SLC5A4: variants seen among roughly 807,000 people sequenced by gnomAD.
SLC5A4 encodes solute carrier family 5 member 4.
Under a neutral mutation model 70.3 loss-of-function variants are expected in SLC5A4, and 55 were observed. The ratio of observed to expected loss-of-function variants is 0.78; its 90% CI spans 0.63 to 0.98. The LOEUF (loss-of-function observed/expected upper bound fraction) is 0.98. Ranked by LOEUF, SLC5A4 falls within the 50% of genes least tolerant of loss-of-function variation. SLC5A4 has a pLI of 0.00. For synonymous variants in SLC5A4, 268 were observed against 305.7 expected, an observed-to-expected ratio of 0.88 and a Z score of 1.29; for missense variants, 735 against 839.2, an observed-to-expected ratio of 0.88 and a Z score of 1.53.
the SLC5A4 span, among the ~76,000 whole-genome samples, chr22:32,346,845 T>A: frequency 6.8e-6 from 1 of 146,906 alleles, no homozygotes; most frequent in Non-Finnish European, 1.5e-5. Flanking sequence ...AAAGACAAAA[T>A]TGACAAATGG....
chr22:32,251,175 A>C (rs1019247008), intron 3 of SLC5A4, among the ~76,000 whole-genome samples: 2 of 144,008 alleles, frequency 1.4e-5, no homozygotes, highest in African/African-American at 2.7e-5. Flanking sequence ...AAAAAAAAAA[A>C]ACCAAAGAGG....
the SLC5A4 span, among the ~76,000 whole-genome samples, chr22:32,263,932 A>G: frequency 6.6e-6 from 1 of 152,338 alleles, no homozygotes; most frequent in African/African-American, 2.4e-5. Context: ...CATCATTCTC[A>G]GTAAACTAAC....
chr22:32,292,835 C>T, the SLC5A4 span, among the ~76,000 whole-genome samples: 1 of 152,144 alleles, frequency 6.6e-6, no homozygotes, highest in Admixed American at 6.5e-5. Flanking sequence ...ACTTATTTTT[C>T]ATCTGATTGT....
chr22:32,330,583 G>GGCGT, the SLC5A4 span, among the ~76,000 whole-genome samples: 1 of 124,486 alleles, frequency 8.0e-6, no homozygotes, highest in Admixed American at 8.6e-5. Context: ...TGGGGGCTGT[G>GGCGT]GTGTGTGTGT....
At chr22:32,305,660 G>T in the SLC5A4 span, among the ~76,000 whole-genome samples, 1 of 132,292 alleles carries the variant, frequency 7.6e-6, no homozygotes, top group Non-Finnish European at 1.6e-5. Context: ...AATCAACTGT[G>T]TTCAGCGTGA....
chr22:32,236,475 G>C (rs1569372467), intron 7 of SLC5A4, among the ~76,000 whole-genome samples: 1 of 152,146 alleles, frequency 6.6e-6, no homozygotes, highest in Non-Finnish European at 1.5e-5. Flanking sequence ...TACATTGTTA[G>C]AATACACAAA....
chr22:32,311,074 G>T, the SLC5A4 span, among the ~76,000 whole-genome samples: 1 of 152,308 alleles, frequency 6.6e-6, no homozygotes, highest in African/African-American at 2.4e-5. Context: ...TCGGTCCTGT[G>T]TGTCATTCAA....
At chr22:32,225,139 T>C (rs1925315840) in intron 12 of SLC5A4, among the ~76,000 whole-genome samples, 1 of 152,226 alleles carries the variant, frequency 6.6e-6, no homozygotes, top group Non-Finnish European at 1.5e-5. Context: ...TACTAAGGAA[T>C]GATTGAAAGA....
At chr22:32,319,077 A>T in the SLC5A4 span, among the ~76,000 whole-genome samples, 3 of 151,792 alleles carry the variant, frequency 2.0e-5, no homozygotes, top group Admixed American at 2.0e-4. Flanking sequence ...GGGAATTCAC[A>T]CTCTCTGCCT....
chr22:32,229,487 C>T (rs1925618208), intron 10 of SLC5A4, 143 bp from the exon 11 acceptor site: 11 of 834,874 alleles, frequency 1.3e-5, no homozygotes, highest in African/African-American at 1.7e-5. Flanking sequence ...GTGGAGTTTC[C>T]TGCATATTTT....
At chr22:32,224,820 G>T (rs1925297395) in intron 12 of SLC5A4, among the ~76,000 whole-genome samples, 1 of 152,210 alleles carries the variant, frequency 6.6e-6, no homozygotes, top group African/African-American at 2.4e-5. Flanking sequence ...ATAAGCAGAA[G>T]TATCAATTAT....
intron 5 of SLC5A4, among the ~76,000 whole-genome samples, chr22:32,245,465 A>T (rs62239055): frequency 1.9e-4 from 29 of 152,190 alleles, no homozygotes; most frequent in African/African-American, 6.7e-4. Context: ...TTCACTGTGC[A>T]TTGTCCTCTG....
At chr22:32,274,041 A>AT in the SLC5A4 span, among the ~76,000 whole-genome samples, 37,780 of 139,056 alleles carry the variant, frequency 0.27, 5,175 homozygotes, top group East Asian at 0.35. Context: ...TTGATATTCT[A>AT]TTTTTTTTTT....
At chr22:32,224,512 T>A (rs1471959094) in intron 12 of SLC5A4, 30 bp from the exon 13 acceptor site, 3 of 1,540,836 alleles carry the variant, frequency 1.9e-6, no homozygotes, top group Non-Finnish European at 2.7e-6. Flanking sequence ...AAAATCAGAA[T>A]GTTTAGAAAA....
chr22:32,299,686 C>T, the SLC5A4 span, among the ~76,000 whole-genome samples: 1 of 102,906 alleles, frequency 9.7e-6, no homozygotes, highest in Non-Finnish European at 2.1e-5. Flanking sequence ...AGCTTTGTTC[C>T]GTTGCTGGTG....
the SLC5A4 span, among the ~76,000 whole-genome samples, chr22:32,309,966 G>A: frequency 1.3e-5 from 2 of 150,862 alleles, no homozygotes; most frequent in African/African-American, 2.4e-5. Context: ...CAGCCCAGCT[G>A]CCCAAGAGGG....
At chr22:32,271,336 T>C in the SLC5A4 span, 1 of 737,268 alleles carries the variant, frequency 1.4e-6, no homozygotes. Flanking sequence ...GCTGCCTCTC[T>C]CGTCAAGGAG....
rs531386189 is a variant in SLC5A4, at chr22:32,242,363, C to T, written c.478-3273G>A. Among the ~76,000 whole-genome samples the T allele has an allele frequency of 8.5e-5, 13 of 152,280 alleles. No homozygotes were observed. In the South Asian group the frequency reaches 2.1e-3, roughly 24 times the overall value. On this transcript the variant is annotated intron_variant, in intron 5 of 14. Coordinates refer to ENST00000266086, the MANE Select transcript of SLC5A4 (RefSeq NM_014227.3). ...CAAAATGATGGGATCATGCCCCATC[C>T]TTTACACAGAATCCAGTTTGAGGAA...
intron 5 of SLC5A4, among the ~76,000 whole-genome samples, chr22:32,240,056 C>A (rs74279711): frequency 0.013 from 1,999 of 148,520 alleles, 57 homozygotes; most frequent in African/African-American, 0.043. Flanking sequence ...AAGTATGTAC[C>A]AAAATAGAAT....
Sources: allele counts gnomAD v4.1 joint callset (sites outside exome capture counted in the v4.1 genomes callset), GRCh38; gene constraint gnomAD v4.1.1; transcripts MANE v1.5; gene names NCBI Gene and HGNC (gene_info 2026-07-23, HGNC 2026-07-21).